AK9: variants seen among roughly 807,000 people sequenced by gnomAD.
AK9 encodes the protein adenylate kinase domain containing 1.
Under a neutral mutation model 239.6 loss-of-function variants are expected in AK9, and 191 were observed. That is an observed-to-expected ratio of 0.80 (90% CI 0.71 to 0.90). AK9 has a LOEUF of 0.90. Ranked by LOEUF, AK9 falls within the 40% of genes least tolerant of loss-of-function variation. AK9 has a pLI of 0.00. For missense variants in AK9, 1,995 were observed against 2,214.7 expected (o/e 0.90, Z 1.99); for synonymous variants, 689 against 721.0 (o/e 0.96, Z 0.71).
At chr6:109,682,366 G>A (rs1033835375) in intron 1 of AK9, among the ~76,000 whole-genome samples, 48 of 144,866 alleles carry the variant, frequency 3.3e-4, no homozygotes, top group African/African-American at 1.2e-3. Flanking sequence ...GGCGGAGCTT[G>A]CAGTGAGCCG....
At chr6:109,524,461 A>G (rs1244377487) in intron 29 of AK9, among the ~76,000 whole-genome samples, 2 of 152,190 alleles carry the variant, frequency 1.3e-5, no homozygotes, top group African/African-American at 2.4e-5. Flanking sequence ...TTACAGATTA[A>G]AGAAGCTTAG....
chr6:109,599,871 CTGTT>C (rs993572618), intron 17 of AK9, among the ~76,000 whole-genome samples: 39 of 152,198 alleles, frequency 2.6e-4, no homozygotes, highest in African/African-American at 8.4e-4. Context: ...ATTTGGCTCT[CTGTT>C]TGTCTGTTAT....
chr6:109,690,259 C>T (rs2128372482), intron 1 of AK9, among the ~76,000 whole-genome samples: 1 of 152,342 alleles, frequency 6.6e-6, no homozygotes, highest in Middle Eastern at 3.4e-3. Context: ...ACATCTTATA[C>T]TCTTGCAGTA....
At chr6:109,668,287 C>G in intron 5 of AK9, among the ~76,000 whole-genome samples, 1 of 151,286 alleles carries the variant, frequency 6.6e-6, no homozygotes, top group East Asian at 1.9e-4. Flanking sequence ...TTTGTAGATT[C>G]TGGATATTGG....
chr6:109,610,105 A>C (rs1363747497), intron 17 of AK9, among the ~76,000 whole-genome samples: 3 of 152,244 alleles, frequency 2.0e-5, no homozygotes, highest in African/African-American at 7.2e-5. Flanking sequence ...CAAAGACAAT[A>C]AAATTTAATG....
intron 1 of AK9, among the ~76,000 whole-genome samples, chr6:109,676,978 C>G (rs1022801397): frequency 7.2e-5 from 11 of 152,070 alleles, no homozygotes; most frequent in Admixed American, 6.6e-4. Context: ...CCTAAGCAAA[C>G]TAATGCAAGA....
intron 1 of AK9, 49 bp from the exon 2 acceptor site, chr6:109,675,805 G>A: frequency 9.2e-7 from 1 of 1,083,314 alleles, no homozygotes; most frequent in Non-Finnish European, 1.3e-6. Flanking sequence ...TTGGTTGGAT[G>A]AGGTGACTAG....
At chr6:109,600,894 G>T (rs1791853883) in intron 17 of AK9, among the ~76,000 whole-genome samples, 1 of 152,014 alleles carries the variant, frequency 6.6e-6, no homozygotes, top group Non-Finnish European at 1.5e-5. Context: ...CTCTGATGGT[G>T]CTTTGTATTT....
At chr6:109,677,535 T>C (rs935321288) in intron 1 of AK9, among the ~76,000 whole-genome samples, 2 of 152,138 alleles carry the variant, frequency 1.3e-5, no homozygotes, top group Non-Finnish European at 2.9e-5. Flanking sequence ...TGTGTGTGTG[T>C]GATGTGTGTG....
At chr6:109,520,852 T>C (rs1380069008) in intron 29 of AK9, among the ~76,000 whole-genome samples, 1 of 152,150 alleles carries the variant, frequency 6.6e-6, no homozygotes, top group East Asian at 1.9e-4. Context: ...TTAGGTATTT[T>C]ATTCTTTTGG....
rs1793886280 is a variant in AK9, at chr6:109,614,149, C to A, written c.1609+34G>T. ...AATATGAAATAAATGAAAATGAGATCCACAAACGTGGGATTAGCAGTTCAC... is the reference window on the plus strand; with the variant it reads ...AATATGAAATAAATGAAAATGAGATACACAAACGTGGGATTAGCAGTTCAC... On this transcript the variant is annotated intron_variant, in intron 15 of 40. Transcript: ENST00000424296. 4 of 1,492,464 alleles carry A rather than the reference C, an allele frequency of 2.7e-6. No individual in the cohort carries two copies. The South Asian group carries it at 3.6e-5, about 14-fold the overall frequency. The allele number at this position is 1,492,464 out of a possible 1,614,324, so 92.5% of individuals were successfully genotyped here.
chr6:109,548,110 T>C (rs555547333), intron 25 of AK9, among the ~76,000 whole-genome samples: 2 of 152,148 alleles, frequency 1.3e-5, no homozygotes, highest in East Asian at 3.9e-4. Flanking sequence ...TACACTGTTG[T>C]GGAAATGTAA....
chr6:109,601,815 TC>T (rs1792021789), intron 17 of AK9, among the ~76,000 whole-genome samples: 1 of 132,880 alleles, frequency 7.5e-6, no homozygotes, highest in South Asian at 2.7e-4. Context: ...GTTGAATTGA[TC>T]CCTTTACCAT....
intron 1 of AK9, among the ~76,000 whole-genome samples, chr6:109,689,400 T>C (rs1379575658): frequency 6.6e-6 from 1 of 152,240 alleles, no homozygotes; most frequent in African/African-American, 2.4e-5. Flanking sequence ...AATGTTAGCA[T>C]GTGCGACTTT....
intron 29 of AK9, among the ~76,000 whole-genome samples, chr6:109,524,036 T>C (rs188187828): frequency 7.9e-5 from 12 of 152,182 alleles, no homozygotes; most frequent in Admixed American, 2.6e-4. Flanking sequence ...GAAAGATAAT[T>C]GTCAAATACC....
In AK9 at chr6:109,659,390, C is replaced by G. The variant is rs1485643593; in HGVS notation, c.468G>C (p.Gln156His). Residue 156 changes from glutamine to histidine, a missense_variant, in exon 7 of 41, where the codon CAG becomes CAC. Around this residue, in one of 5 missense-constraint regions of AK9, gnomAD observed 252 missense variants for 246.4 expected, o/e 1.02. Transcript: ENST00000424296. Reference sequence around the variant, plus strand: ...TGTGCTGTCTTTGCCCAGAAATTCTCTGGCACAAATCATAGTCAGGACACT... The same window carrying G: ...TGTGCTGTCTTTGCCCAGAAATTCTGTGGCACAAATCATAGTCAGGACACT... The part of the protein sequence containing the change: ...NIKCPDYDLC[Q>H]RISGQRQHNN... 1 of 1,610,496 alleles carries G rather than the reference C, an allele frequency of 6.2e-7. No individual in the cohort carries two copies. Among genetic ancestry groups the G allele is most frequent in the Non-Finnish European group, 8.5e-7 (1 of 1,178,898 alleles).
intron 17 of AK9, among the ~76,000 whole-genome samples, chr6:109,598,822 C>T (rs544782988): frequency 2.6e-5 from 4 of 152,288 alleles, no homozygotes; most frequent in South Asian, 4.1e-4. Context: ...CTCTGATGGC[C>T]AGTGATGATG....
At chr6:109,641,435 A>C (rs1797429697) in intron 10 of AK9, 83 bp downstream of exon 10, 5 of 1,059,246 alleles carry the variant, frequency 4.7e-6, no homozygotes, top group South Asian at 1.4e-5. Context: ...TGATCCTCCC[A>C]TGGGATTACA....
At chr6:109,598,559 C>T (rs1213759894) in intron 17 of AK9, among the ~76,000 whole-genome samples, 2 of 152,072 alleles carry the variant, frequency 1.3e-5, no homozygotes, top group African/African-American at 2.4e-5. Context: ...TTTATAGCAG[C>T]ATGATTTATA....
Sources: allele counts gnomAD v4.1 joint callset (sites outside exome capture counted in the v4.1 genomes callset), GRCh38; gene constraint gnomAD v4.1.1; regional missense constraint gnomAD v4.1.1; transcripts MANE v1.5; gene names NCBI Gene and HGNC (gene_info 2026-07-23, HGNC 2026-07-21).